Variants in CUEDC1 observed in about 807,000 individuals in gnomAD.
CUEDC1 encodes the protein CUE domain-containing protein 1.
In CUEDC1, 30 loss-of-function variants were observed where a neutral mutation model predicts 43.7. The observed-to-expected ratio is 0.69, with a 90% CI of 0.51 to 0.93. The LOEUF is 0.93. CUEDC1 is among the 40% of genes least tolerant of loss of function. The probability of loss-of-function intolerance (pLI) is 0.00; values close to 1 mark genes in which losing one functional copy is unlikely to be tolerated. For missense variants in CUEDC1, 486 were observed against 549.0 expected (o/e 0.89, Z 1.15); for synonymous variants, 223 against 223.6 (o/e 1.00, Z 0.02).
chr17:57,861,399 G>A lies in CUEDC1; in HGVS notation c.*1890C>T, dbSNP rs1209941692. 2.0e-5 allele frequency: 3 copies of A among 152,450 alleles called. No individual in the cohort carries two copies. Among genetic ancestry groups the A allele is most frequent in the East Asian group, 1.9e-4 (1 of 5,184 alleles). The allele number at this position is 152,450 out of a possible 1,614,324, so 9.4% of individuals were successfully genotyped here. ...CGACAGCGCTAGACGCAGCCGGCAG[G>A]TCCGCAAGGTTGAGGTGCAGCGGTG... On this transcript the variant is annotated 3_prime_UTR_variant, in exon 11 of 11. Transcript: ENST00000577830.
intron 1 of CUEDC1, among the ~76,000 whole-genome samples, chr17:57,946,225 C>G (rs889798334): frequency 2.0e-5 from 3 of 152,174 alleles, no homozygotes; most frequent in Non-Finnish European, 4.4e-5. Context: ...CCTCCAGGAG[C>G]CAACCAAGCA....
At chr17:57,934,409 T>C (rs2074839554) in intron 1 of CUEDC1, among the ~76,000 whole-genome samples, 1 of 151,260 alleles carries the variant, frequency 6.6e-6, no homozygotes, top group Non-Finnish European at 1.5e-5. Flanking sequence ...AAAATAAAAA[T>C]AGCCGGACAT....
intron 1 of CUEDC1, among the ~76,000 whole-genome samples, chr17:57,943,042 A>G (rs1351223933): frequency 6.6e-6 from 1 of 152,136 alleles, no homozygotes; most frequent in Non-Finnish European, 1.5e-5. Context: ...CAAAACAAAA[A>G]CAAAAATGAT....
intron 1 of CUEDC1, among the ~76,000 whole-genome samples, chr17:57,942,800 G>A (rs1006692467): frequency 1.3e-5 from 2 of 151,812 alleles, no homozygotes; most frequent in East Asian, 2.0e-4. Context: ...AGGCCGAGGC[G>A]GGTGGATCAC....
At chr17:57,869,233 A>ATGGCTG in intron 6 of CUEDC1, 40 bp from the exon 7 acceptor site, 2 of 1,585,864 alleles carry the variant, frequency 1.3e-6, no homozygotes, top group Non-Finnish European at 1.7e-6. Context: ...CACCGTGGCC[A>ATGGCTG]GCCATGGCCG....
chr17:57,884,144 C>T (rs2074253268), intron 2 of CUEDC1, among the ~76,000 whole-genome samples: 1 of 151,896 alleles, frequency 6.6e-6, no homozygotes, highest in African/African-American at 2.4e-5. Flanking sequence ...TTCCTCACTC[C>T]CTTTCCGTGG....
At chr17:57,913,328 CA>C (rs201695353) in intron 1 of CUEDC1, among the ~76,000 whole-genome samples, 329 of 130,072 alleles carry the variant, frequency 2.5e-3, no homozygotes, top group Admixed American at 2.9e-3. Context: ...GACTCCATCT[CA>C]AAAAAAAAAA....
chr17:57,920,414 GCA>G (rs151147189), intron 1 of CUEDC1, among the ~76,000 whole-genome samples: 6 of 150,092 alleles, frequency 4.0e-5, no homozygotes, highest in Admixed American at 6.7e-5. Context: ...CTTTCTCCAT[GCA>G]CACACACACA....
At chr17:57,874,806 C>G (rs1194193571) in intron 3 of CUEDC1, among the ~76,000 whole-genome samples, 2 of 151,796 alleles carry the variant, frequency 1.3e-5, no homozygotes, top group Admixed American at 6.6e-5. Context: ...TCCGGGCTGC[C>G]GCTGACTATG....
intron 1 of CUEDC1, among the ~76,000 whole-genome samples, chr17:57,934,640 G>A (rs2074843146): frequency 6.7e-6 from 1 of 149,940 alleles, no homozygotes; most frequent in Non-Finnish European, 1.5e-5. Context: ...AGAAGTGGAA[G>A]TGCATTTGCT....
In CUEDC1 at chr17:57,869,180, G is replaced by C; in HGVS notation, c.882C>G (p.Ala294=). 1.9e-6 allele frequency: 3 copies of C among 1,613,896 alleles called. No individual in the cohort carries two copies. The highest frequency in any genetic ancestry group is 1.7e-6 in the Non-Finnish European group (2 of 1,179,916). The change falls in exon 7 of 11, where the codon GCC becomes GCG. Residue 294 remains alanine (A), a synonymous_variant. Coordinates refer to ENST00000577830, the MANE Select transcript of CUEDC1 (RefSeq NM_001271875.2). ...FSSPVPGTGD[A]NPAVSEDALF... is the part of the protein sequence containing the mutation. ...AGGCATCTTCAGACACAGCGGGGTT[G>C]GCGTCGCCAGTTCCTGGAAGGAGAC...
chr17:57,933,457 C>T (rs1317900362), intron 1 of CUEDC1, among the ~76,000 whole-genome samples: 1 of 152,158 alleles, frequency 6.6e-6, no homozygotes, highest in Non-Finnish European at 1.5e-5. Flanking sequence ...ATGAGCCCCC[C>T]TCCACCCCAA....
chr17:57,897,304 C>T (rs959768405), intron 1 of CUEDC1, among the ~76,000 whole-genome samples: 1 of 152,120 alleles, frequency 6.6e-6, no homozygotes, highest in Non-Finnish European at 1.5e-5. Context: ...TGGCAGAGCC[C>T]GATTTGGAAT....
chr17:57,931,106 T>C (rs1250977107), intron 1 of CUEDC1, among the ~76,000 whole-genome samples: 1 of 151,940 alleles, frequency 6.6e-6, no homozygotes, highest in Non-Finnish European at 1.5e-5. Context: ...CTGGGCAACA[T>C]GGCAAAACAG....
rs1300179924 is a variant in CUEDC1 at position 57,954,859 on chromosome 17, A to G, written c.-316+366T>C. On this transcript the variant is annotated intron_variant, in intron 1 of 10. Coordinates refer to ENST00000577830, the MANE Select transcript of CUEDC1 (RefSeq NM_001271875.2). This position sits in a 1 kb window ranked among gnomAD's most constrained non-coding sequence, Gnocchi z 4.3. ...GCGGCGGGAGAGGGGACTCGGGCGA[A>G]GCCGGCTCCGGGAGGCCTCGTCTCC... is the stretch of plus-strand genomic sequence containing the variant. 6.6e-6 allele frequency among the ~76,000 whole-genome samples: 1 copy of G among 151,772 alleles called. No homozygotes were observed. Among genetic ancestry groups the G allele is most frequent in the East Asian group, 1.9e-4 (1 of 5,136 alleles).
At chr17:57,949,291 T>C (rs1367840243) in intron 1 of CUEDC1, among the ~76,000 whole-genome samples, 2 of 152,184 alleles carry the variant, frequency 1.3e-5, no homozygotes, top group East Asian at 3.8e-4. Flanking sequence ...CAGGCTAACA[T>C]GTTTGTCTCC....
Position 57,877,215 on chromosome 17 carries a change from C to G in CUEDC1, c.464+2396G>C, listed in dbSNP as rs116222908. Among the ~76,000 whole-genome samples, 364 of 152,324 alleles carry G rather than the reference C, an allele frequency of 2.4e-3. 3 individuals carry two copies. Among genetic ancestry groups the G allele is most frequent in the African/African-American group, 8.2e-3 (339 of 41,572 alleles). ...GGGTCTCCTAAGCCTTGGTCTGGTG[C>G]TGAGGTTACCTTGCCCCCAAGTGGG... is the stretch of plus-strand genomic sequence containing the variant. On this transcript the variant is annotated intron_variant, in intron 3 of 10. Coordinates refer to ENST00000577830, the MANE Select transcript of CUEDC1 (RefSeq NM_001271875.2).
intron 1 of CUEDC1, among the ~76,000 whole-genome samples, chr17:57,949,887 G>A (rs1205181994): frequency 6.6e-6 from 1 of 151,940 alleles, no homozygotes; most frequent in Non-Finnish European, 1.5e-5. Flanking sequence ...TAAGGGTGTG[G>A]GCCTGCAGCC....
intron 1 of CUEDC1, among the ~76,000 whole-genome samples, chr17:57,948,524 G>A (rs1245615480): frequency 1.3e-5 from 2 of 152,174 alleles, no homozygotes; most frequent in Admixed American, 6.5e-5. Context: ...AACAGTCAAA[G>A]GAGGGGTTAG....
Sources: allele counts gnomAD v4.1 joint callset (sites outside exome capture counted in the v4.1 genomes callset), GRCh38; gene constraint gnomAD v4.1.1; non-coding constraint Gnocchi (gnomAD v3.1); transcripts MANE v1.5; gene names NCBI Gene and HGNC (gene_info 2026-07-23, HGNC 2026-07-21).